The following FAM53A variants were observed in gnomAD, a reference collection of about 807,000 sequenced individuals.
The protein encoded by FAM53A is protein FAM53A.
FAM53A carries 28 observed loss-of-function variants against 26.6 expected under a neutral mutation model. The observed-to-expected ratio is 1.05, with a 90% confidence interval of 0.78 to 1.45. The LOEUF (loss-of-function observed/expected upper bound fraction) is 1.45. Ranked by LOEUF, FAM53A falls within the 40% of genes most tolerant of loss-of-function variation. The probability of loss-of-function intolerance (pLI) is 0.00; values close to 1 mark genes in which losing one functional copy is unlikely to be tolerated. For missense variants in FAM53A, 650 were observed against 575.8 expected, an observed-to-expected ratio of 1.13 and a Z score of -1.32; for synonymous variants, 290 against 253.1, an observed-to-expected ratio of 1.15 and a Z score of -1.38.
At chr4:1,618,594 G>A (rs185654464) in intron 1 of FAM53A, among the ~76,000 whole-genome samples, 1 of 152,308 alleles carries the variant, frequency 6.6e-6, no homozygotes, top group Non-Finnish European at 1.5e-5. Context: ...CGGGAGGGGA[G>A]GCTGTTTGGC....
At chr4:1,623,708 G>A (rs1407088393) in intron 1 of FAM53A, among the ~76,000 whole-genome samples, 1 of 152,278 alleles carries the variant, frequency 6.6e-6, no homozygotes, top group Non-Finnish European at 1.5e-5. Flanking sequence ...CCATAACTCA[G>A]CCTGCGGAGG....
At chr4:1,575,884 G>T in the FAM53A span, among the ~76,000 whole-genome samples, 1 of 152,148 alleles carries the variant, frequency 6.6e-6, no homozygotes, top group Non-Finnish European at 1.5e-5. Context: ...AGTCCACTGA[G>T]CCTGGGGTCA....
At chr4:1,648,837 G>A (rs1712476863) in intron 4 of FAM53A, among the ~76,000 whole-genome samples, 1 of 152,242 alleles carries the variant, frequency 6.6e-6, no homozygotes, top group Non-Finnish European at 1.5e-5. Context: ...GGCAAGCCGG[G>A]AGTGGTGGCT....
At chr4:1,675,339 C>A (rs1298127228) in intron 1 of FAM53A, among the ~76,000 whole-genome samples, 1 of 152,124 alleles carries the variant, frequency 6.6e-6, no homozygotes, top group Non-Finnish European at 1.5e-5. Flanking sequence ...ATCCCTTGCC[C>A]CTACTCCAGG....
the FAM53A span, among the ~76,000 whole-genome samples, chr4:1,611,857 C>T: frequency 3.3e-5 from 5 of 152,324 alleles, no homozygotes; most frequent in Middle Eastern, 3.4e-3. Flanking sequence ...TGCTGCTGTC[C>T]GGCCGAGCAG....
chr4:1,614,910 A>G (rs572577893), downstream of FAM53A, among the ~76,000 whole-genome samples: 34 of 152,344 alleles, frequency 2.2e-4, no homozygotes, highest in Admixed American at 8.5e-4. Context: ...GACGGACACC[A>G]GATGGCATTT....
chr4:1,652,592 ACACAC>A (rs1712952426), intron 4 of FAM53A, among the ~76,000 whole-genome samples: 3 of 149,488 alleles, frequency 2.0e-5, no homozygotes, highest in South Asian at 4.3e-4. Context: ...CACACATCAC[ACACAC>A]CACACATCAC....
chr4:1,582,417 AGT>A, the FAM53A span, among the ~76,000 whole-genome samples: 1 of 152,198 alleles, frequency 6.6e-6, no homozygotes, highest in Non-Finnish European at 1.5e-5. Context: ...AAGGGCAGGG[AGT>A]GAGCCAGTGC....
At chr4:1,602,507 C>G in the FAM53A span, among the ~76,000 whole-genome samples, 2,998 of 152,288 alleles carry the variant, frequency 0.02, 45 homozygotes, top group Middle Eastern at 0.031. Flanking sequence ...GACAGGTGAC[C>G]CGAGAGATAT....
intron 2 of FAM53A, among the ~76,000 whole-genome samples, chr4:1,666,518 G>A (rs973829696): frequency 3.3e-5 from 5 of 152,226 alleles, no homozygotes; most frequent in African/African-American, 7.2e-5. Context: ...CAGGACATCC[G>A]TCCAGACACC....
chr4:1,593,207 C>T, the FAM53A span, among the ~76,000 whole-genome samples: 3 of 152,190 alleles, frequency 2.0e-5, no homozygotes, highest in Non-Finnish European at 4.4e-5. Flanking sequence ...CTCGCGGGTC[C>T]AGGGCTTGGC....
At chr4:1,622,061 G>A (rs1004567014) in intron 1 of FAM53A, among the ~76,000 whole-genome samples, 2 of 152,188 alleles carry the variant, frequency 1.3e-5, no homozygotes, top group South Asian at 4.2e-4. Flanking sequence ...TCTGCCCTCT[G>A]CCACCTGACG....
intron 1 of FAM53A, among the ~76,000 whole-genome samples, chr4:1,622,689 G>A (rs1344053386): frequency 2.0e-5 from 3 of 152,234 alleles, no homozygotes; most frequent in South Asian, 2.1e-4. Flanking sequence ...CGGGGAGGGA[G>A]GTCGGGAACA....
downstream of FAM53A, among the ~76,000 whole-genome samples, chr4:1,635,970 A>T (rs1232954594): frequency 2.0e-5 from 3 of 148,714 alleles, no homozygotes; most frequent in African/African-American, 5.0e-5. Flanking sequence ...CAGCCTCCCG[A>T]CTAGCTGGGA....
chr4:1,672,086 G>A (rs72501972), intron 1 of FAM53A, among the ~76,000 whole-genome samples: 11,167 of 133,280 alleles, frequency 0.084, 1,176 homozygotes, highest in African/African-American at 0.25. Flanking sequence ...CAGAACCCAC[G>A]AACCCACGAA....
the FAM53A span, among the ~76,000 whole-genome samples, chr4:1,602,729 C>T: frequency 6.6e-6 from 1 of 152,152 alleles, no homozygotes; most frequent in Non-Finnish European, 1.5e-5. Context: ...GTGTAAGGTA[C>T]GACAGTGGCA....
At chr4:1,679,315 A>G (rs1715243712) in intron 1 of FAM53A, among the ~76,000 whole-genome samples, 2 of 144,002 alleles carry the variant, frequency 1.4e-5, no homozygotes, top group African/African-American at 5.2e-5. Context: ...TGAACCCAGG[A>G]GCTGAGGTTG....
At chr4:1,627,181 T>A in intron 1 of FAM53A, among the ~76,000 whole-genome samples, 1 of 151,954 alleles carries the variant, frequency 6.6e-6, no homozygotes, top group East Asian at 1.9e-4. Flanking sequence ...GCCAACCAGG[T>A]CCCCACCGGC....
intron 1 of FAM53A, among the ~76,000 whole-genome samples, chr4:1,634,792 C>T (rs759292349): frequency 1.3e-5 from 2 of 151,682 alleles, no homozygotes; most frequent in East Asian, 1.9e-4. Context: ...CCCAGTTACT[C>T]GGGAGGCTGA....
Sources: allele counts gnomAD v4.1 joint callset (sites outside exome capture counted in the v4.1 genomes callset), GRCh38; gene constraint gnomAD v4.1.1; transcripts MANE v1.5; gene names NCBI Gene and HGNC (gene_info 2026-07-23, HGNC 2026-07-21).